CPPED1: variants seen among roughly 807,000 people sequenced by gnomAD.
CPPED1 encodes the protein serine/threonine-protein phosphatase CPPED1.
In CPPED1, 28 loss-of-function variants were observed where a neutral mutation model predicts 28.0. That is an observed-to-expected ratio of 1.00 (90% CI 0.74 to 1.37). CPPED1 has a LOEUF of 1.37. Ranked by LOEUF, CPPED1 falls within the 40% of genes most tolerant of loss-of-function variation. The pLI is 0.00. For synonymous variants in CPPED1, 198 were observed against 180.2 expected, an observed-to-expected ratio of 1.10 and a Z score of -0.79; for missense variants, 504 against 416.5, an observed-to-expected ratio of 1.21 and a Z score of -1.83.
At chr16:12,728,734 C>G (rs953759316) in intron 2 of CPPED1, among the ~76,000 whole-genome samples, 3 of 152,104 alleles carry the variant, frequency 2.0e-5, no homozygotes, top group Non-Finnish European at 4.4e-5. Flanking sequence ...ATGAGTACAA[C>G]GACATCAAAT....
At chr16:12,798,511 C>T (rs1041049039) in intron 1 of CPPED1, among the ~76,000 whole-genome samples, 6 of 152,172 alleles carry the variant, frequency 3.9e-5, no homozygotes, top group Non-Finnish European at 7.3e-5. Flanking sequence ...TATTTTTTTA[C>T]TGACACTATT....
intron 2 of CPPED1, among the ~76,000 whole-genome samples, chr16:12,728,660 A>G (rs140821509): frequency 8.7e-4 from 132 of 152,328 alleles, no homozygotes; most frequent in Non-Finnish European, 1.6e-3. Context: ...TTACTCTACA[A>G]CAAGATGCTA....
rs763224702 is a variant in CPPED1 at position 12,800,936 on chromosome 16, T to C, written c.70+2771A>G. 2.4e-4 allele frequency among the ~76,000 whole-genome samples: 37 copies of C among 152,174 alleles called. 1 individual carries two copies. The highest frequency in any genetic ancestry group is 4.7e-4 in the Non-Finnish European group (32 of 68,026). On this transcript the variant is annotated intron_variant, in intron 1 of 3. Transcript: ENST00000381774. ...CGTGAATGACCTCAGAGCCCACCAG[T>C]AGCCAAGCATTATTTTTTGTGCCCT...
chr16:12,666,442 G>A lies in CPPED1; in HGVS notation c.716-1327C>T, dbSNP rs367639657. 5.7e-4 allele frequency among the ~76,000 whole-genome samples: 87 copies of A among 152,328 alleles called. 1 individual carries two copies. In the East Asian group the frequency reaches 5.8e-3, roughly 10 times the overall value. The stretch of plus-strand genomic sequence containing the variant: ...AAGAAGGGCTGTTGTGGGTGCCTCC[G>A]TTTACGGAAGGAGGCTGAAGAACGC... On this transcript the variant is annotated intron_variant, in intron 3 of 3. Transcript: ENST00000381774.
Position 12,709,175 on chromosome 16 carries a change from G to C in CPPED1, c.290-4126C>G, listed in dbSNP as rs1415636755. Among the ~76,000 whole-genome samples the C allele has an allele frequency of 6.6e-6, 1 of 152,122 alleles. No individual in the cohort carries two copies. Among genetic ancestry groups the C allele is most frequent in the Non-Finnish European group, 1.5e-5 (1 of 68,036 alleles). On this transcript the variant is annotated intron_variant, in intron 2 of 3. Coordinates refer to ENST00000381774, the MANE Select transcript of CPPED1 (RefSeq NM_018340.3). This position sits in a 1 kb window ranked among gnomAD's most constrained non-coding sequence, Gnocchi z 4.4. ...ACAGAAACCTGCCCAAGGACACAGA[G>C]CTTCAATGAGTTTCCTGTCTCACGC...
chr16:12,665,407 G>A (rs182172099), intron 3 of CPPED1, among the ~76,000 whole-genome samples: 15 of 152,246 alleles, frequency 9.9e-5, no homozygotes, highest in African/African-American at 3.6e-4. Context: ...GGAAGATGAA[G>A]TGAATGACTT....
At chr16:12,767,233 T>A (rs753829880) in intron 2 of CPPED1, among the ~76,000 whole-genome samples, 3 of 152,100 alleles carry the variant, frequency 2.0e-5, no homozygotes, top group Non-Finnish European at 4.4e-5. Context: ...AATCTAAAGG[T>A]CTGAGAACCA....
intron 1 of CPPED1, among the ~76,000 whole-genome samples, chr16:12,783,236 G>A (rs1170814602): frequency 6.6e-6 from 1 of 152,164 alleles, no homozygotes; most frequent in Non-Finnish European, 1.5e-5. Flanking sequence ...CAGGCGCCAC[G>A]CCTGTGATTC....
chr16:12,698,041 C>T (rs933576548), intron 3 of CPPED1, among the ~76,000 whole-genome samples: 7 of 152,188 alleles, frequency 4.6e-5, no homozygotes, highest in Non-Finnish European at 8.8e-5. Flanking sequence ...ACCTGGGAGG[C>T]GGAAGTTGCA....
chr16:12,780,412 G>A (rs142087757), intron 2 of CPPED1, among the ~76,000 whole-genome samples: 1 of 152,152 alleles, frequency 6.6e-6, no homozygotes, highest in East Asian at 1.9e-4. Flanking sequence ...CTGAGCTCAA[G>A]TGATCCGCCC....
rs145516280 is a variant in CPPED1, at chr16:12,758,623, T to C, written c.289+22562A>G. Among the ~76,000 whole-genome samples, 1,383 of 152,302 alleles carry C rather than the reference T, an allele frequency of 9.1e-3. 7 individuals carry two copies. Among genetic ancestry groups the C allele is most frequent in the Middle Eastern group, 0.051 (15 of 294 alleles). ...ACTATTTTCCATGATGTCTTCACTT[T>C]CTGACTTTAAAACCCAGACTCTTCA... is the stretch of plus-strand genomic sequence containing the variant. On this transcript the variant is annotated intron_variant, in intron 2 of 3. Transcript: ENST00000381774.
intron 3 of CPPED1, among the ~76,000 whole-genome samples, chr16:12,687,981 T>A (rs533956401): frequency 6.6e-6 from 1 of 150,528 alleles, no homozygotes; most frequent in South Asian, 2.1e-4. Context: ...AGGAATGGAA[T>A]GTCACTAACA....
At position 12,670,833 on chromosome 16, in the gene CPPED1, T is replaced by A. The variant is rs2079849366; in HGVS notation, c.716-5718A>T. On this transcript the variant is annotated intron_variant, in intron 3 of 3. Transcript: ENST00000381774. The surrounding 1 kb of genome is among the most constrained non-coding windows in gnomAD (Gnocchi z 4.2). ...ATGTAAATGATCCATGTGTTTTTAT[T>A]TTTTTAATTATTTATTTATTTTTAA... Among the ~76,000 whole-genome samples, 1 of 152,206 alleles carries A rather than the reference T, an allele frequency of 6.6e-6. No homozygotes were observed. Among genetic ancestry groups the A allele is most frequent in the Admixed American group, 6.5e-5 (1 of 15,274 alleles).
intron 3 of CPPED1, among the ~76,000 whole-genome samples, chr16:12,687,937 G>C (rs59324325): frequency 0.18 from 27,959 of 151,338 alleles, 4,104 homozygotes; most frequent in African/African-American, 0.41. Context: ...AACAACAAAA[G>C]AATGAAGGAA....
At chr16:12,742,424 T>C (rs1333763070) in intron 2 of CPPED1, among the ~76,000 whole-genome samples, 3 of 152,154 alleles carry the variant, frequency 2.0e-5, no homozygotes, top group Non-Finnish European at 2.9e-5. Flanking sequence ...TCCAAGATGA[T>C]AAAAAGATAA....
At chr16:12,800,883 G>A (rs978971835) in intron 1 of CPPED1, among the ~76,000 whole-genome samples, 6 of 151,934 alleles carry the variant, frequency 3.9e-5, no homozygotes, top group Admixed American at 1.3e-4. Flanking sequence ...GCAATCAGAC[G>A]AAGCAACACT....
rs1238874958 is a variant in CPPED1, at chr16:12,661,508, C to T, written c.*3378G>A. On this transcript the variant is annotated 3_prime_UTR_variant, in exon 4 of 4. Transcript: ENST00000381774. ...CTCCCCAGCCCCATTCCCAAAGTCA[C>T]TTGAGCCTTTGCAATCCAATTTGAG... 1 of 152,214 alleles carries T rather than the reference C, an allele frequency of 6.6e-6. No homozygotes were observed. The highest frequency in any genetic ancestry group is 1.9e-4 in the East Asian group (1 of 5,198). The allele number at this position is 152,214 out of a possible 1,614,324, so 9.4% of individuals were successfully genotyped here.
At chr16:12,792,694 T>C (rs2080603847) in intron 1 of CPPED1, among the ~76,000 whole-genome samples, 1 of 152,190 alleles carries the variant, frequency 6.6e-6, no homozygotes, top group Non-Finnish European at 1.5e-5. Context: ...TTTCCCATGC[T>C]GTTCGCATGA....
chr16:12,727,083 C>T (rs1335682304), intron 2 of CPPED1, among the ~76,000 whole-genome samples: 2 of 152,168 alleles, frequency 1.3e-5, no homozygotes. Flanking sequence ...GAGCAAATAA[C>T]TCTCGCAGGC....
Sources: allele counts gnomAD v4.1 joint callset (sites outside exome capture counted in the v4.1 genomes callset), GRCh38; gene constraint gnomAD v4.1.1; non-coding constraint Gnocchi (gnomAD v3.1); transcripts MANE v1.5; gene names NCBI Gene and HGNC (gene_info 2026-07-23, HGNC 2026-07-21).